The following ABCC10 variants were observed in gnomAD, a reference collection of about 807,000 sequenced individuals.
The protein encoded by ABCC10 is ATP-binding cassette sub-family C member 10.
Under a neutral mutation model 143.2 loss-of-function variants are expected in ABCC10, and 110 were observed. That is an observed-to-expected ratio of 0.77 (90% CI 0.66 to 0.90). The LOEUF (loss-of-function observed/expected upper bound fraction) is 0.90. ABCC10 is among the 40% of genes least tolerant of loss of function. ABCC10 has a pLI of 0.00. For synonymous variants in ABCC10, 805 were observed against 846.7 expected (o/e 0.95, Z 0.85); for missense variants, 1,700 against 1,900.5 (o/e 0.89, Z 1.96).
chr6:43,442,402 T>C (rs1212636481), intron 9 of ABCC10, among the ~76,000 whole-genome samples: 1 of 152,096 alleles, frequency 6.6e-6, no homozygotes, highest in Non-Finnish European at 1.5e-5. Flanking sequence ...ACCCCATCGC[T>C]ACTGAAAAAC....
chr6:43,436,792 A>G (rs1369734552), intron 6 of ABCC10, among the ~76,000 whole-genome samples: 1 of 152,204 alleles, frequency 6.6e-6, no homozygotes, highest in Non-Finnish European at 1.5e-5. Flanking sequence ...TGTGCCCCAC[A>G]GCTCAACCCG....
chr6:43,445,276 G>A lies in ABCC10; in HGVS notation c.2992G>A (p.Ala998Thr), dbSNP rs1404359721. The change falls in exon 14 of 22, where the codon GCC (alanine) becomes ACC (threonine). Residue 998 changes from alanine to threonine, a missense_variant. Transcript: ENST00000372530. The part of the protein sequence containing the change: ...LFAAGTLQAA[A>T]TLHRRLLHRV... ...TGCAGCAGGCACCCTTCAAGCAGCT[G>A]CCACTCTGCATCGCCGCCTGCTGCA... The A allele has an allele frequency of 1.2e-6, 2 of 1,613,994 alleles. No homozygotes were observed. The highest frequency in any genetic ancestry group is 1.7e-6 in the Non-Finnish European group (2 of 1,179,978).
chr6:43,431,958 G>A, intron 2 of ABCC10, 184 bp from the exon 3 acceptor site: 1 of 1,422,106 alleles, frequency 7.0e-7, no homozygotes, highest in Non-Finnish European at 9.2e-7. Flanking sequence ...AATGAGTTAG[G>A]TTCATCTGGG....
rs764178164 is a variant in ABCC10, at chr6:43,444,934, C to A, written c.2836C>A (p.Leu946Ile). Residue 946 changes from leucine (L) to isoleucine (I), a missense_variant, in exon 13 of 22, where the codon CTC becomes ATC. Physicochemically the swap from Leu to Ile is conservative, Grantham distance 5. Coordinates refer to ENST00000372530, the MANE Select transcript of ABCC10 (RefSeq NM_001198934.2). ...GCTGCTCCTCTTTTCCCCTGGAAAC[C>A]TCTAGTGAGTGGCTGGGGCTGGGGG... The part of the protein sequence containing the change: ...PQLLLFSPGN[L>I]YIPVFPLPKA... The A allele has an allele frequency of 1.3e-5, 21 of 1,611,222 alleles. No individual in the cohort carries two copies. In the South Asian group the frequency reaches 2.2e-4, roughly 17 times the overall value.
rs1485018629 is a variant in ABCC10, at chr6:43,447,911, C to T, written c.3933C>T (p.Thr1311=). The T allele has an allele frequency of 1.2e-6, 2 of 1,613,484 alleles. No homozygotes were observed. Among genetic ancestry groups the T allele is most frequent in the African/African-American group, 1.3e-5 (1 of 74,944 alleles). Residue 1311 remains threonine (T), a synonymous_variant, in exon 18 of 22, where the codon ACC becomes ACT. Coordinates refer to ENST00000372530, the MANE Select transcript of ABCC10 (RefSeq NM_001198934.2). ...SGRVLLDGVD[T]SQLELAQLRS... Reference sequence around the variant, plus strand: ...GAGTGCTGCTGGACGGCGTGGACACCAGCCAGCTGGAGCTGGCCCAGCTCA... The same window carrying T: ...GAGTGCTGCTGGACGGCGTGGACACTAGCCAGCTGGAGCTGGCCCAGCTCA...
At chr6:43,447,217 T>C in intron 16 of ABCC10, 31 bp from the exon 17 acceptor site, 1 of 1,602,744 alleles carries the variant, frequency 6.2e-7, no homozygotes. Context: ...GTGTCCAAGC[T>C]CTCCCAGCAG....
rs923662523 is a variant in ABCC10 at position 43,434,990 on chromosome 6, C to G, written c.1608+142C>G. 3 of 858,620 alleles carry G rather than the reference C, an allele frequency of 3.5e-6. No homozygotes were observed. The East Asian group carries it at 8.0e-5, about 23-fold the overall frequency. 53.2% of individuals were successfully genotyped at this position (858,620 alleles called of 1,614,324 possible). On this transcript the variant is annotated intron_variant, in intron 4 of 21. Coordinates refer to ENST00000372530, the MANE Select transcript of ABCC10 (RefSeq NM_001198934.2). ...CTCAACCAAGGGAAAACTGAAGAAACCTTTTTGTGGGGGCCTTGGATATAT... is the reference window on the plus strand; with the variant it reads ...CTCAACCAAGGGAAAACTGAAGAAAGCTTTTTGTGGGGGCCTTGGATATAT...
At chr6:43,441,125 C>T (rs546490544) in intron 8 of ABCC10, among the ~76,000 whole-genome samples, 2 of 151,088 alleles carry the variant, frequency 1.3e-5, no homozygotes, top group African/African-American at 4.9e-5. Flanking sequence ...AAGTAAAAAC[C>T]TATAAAAGCT....
chr6:43,444,374 C>G, intron 12 of ABCC10, 21 bp downstream of exon 12: 2 of 1,581,096 alleles, frequency 1.3e-6, no homozygotes, highest in Non-Finnish European at 1.7e-6. Context: ...GCCTGGGAGT[C>G]TCTTACATCG....
rs994548103 is a variant in ABCC10, at chr6:43,450,146, A to G, written c.*55A>G. On this transcript the variant is annotated 3_prime_UTR_variant, in exon 22 of 22. Coordinates refer to ENST00000372530, the MANE Select transcript of ABCC10 (RefSeq NM_001198934.2). This position sits in a 1 kb window ranked among gnomAD's most constrained non-coding sequence, Gnocchi z 4.5. ...CCTCTCTCTGATCCAGGCCGGGCCT[A>G]TACAGAGGTGCTGGCTGCTTGTTTA... is the stretch of plus-strand genomic sequence containing the variant. The G allele has an allele frequency of 5.3e-6, 8 of 1,520,228 alleles. No homozygotes were observed. In the African/African-American group the frequency reaches 6.9e-5, roughly 13 times the overall value. 94.2% of individuals were successfully genotyped at this position (1,520,228 alleles called of 1,614,324 possible).
In ABCC10 at chr6:43,447,005, G is replaced by A. The variant is rs758687077; in HGVS notation, c.3545-243G>A. ...TGGGATTACAGGCGCCTGCCACCAC[G>A]CCCAGCTAATTTTTGTATTTTTAGT... is the stretch of plus-strand genomic sequence containing the variant. On this transcript the variant is annotated intron_variant, in intron 16 of 21. Transcript: ENST00000372530. 419 of 675,502 alleles carry A rather than the reference G, an allele frequency of 6.2e-4. 1 individual carries two copies. The highest frequency in any genetic ancestry group is 6.9e-4 in the Non-Finnish European group (334 of 482,260). The allele number at this position is 675,502 out of a possible 1,614,324, so 41.8% of individuals were successfully genotyped here.
At chr6:43,429,671 A>G (rs1433056901) in intron 2 of ABCC10, among the ~76,000 whole-genome samples, 1 of 152,108 alleles carries the variant, frequency 6.6e-6, no homozygotes, top group African/African-American at 2.4e-5. Context: ...GTAGGAGGCC[A>G]GGAGTTCGAG....
chr6:43,435,645 C>T (rs573608985), intron 4 of ABCC10, 106 bp from the exon 5 acceptor site: 1 of 1,353,154 alleles, frequency 7.4e-7, no homozygotes, highest in African/African-American at 1.5e-5. Context: ...CCCTTCAGTT[C>T]TGTCATTGCC....
rs748090406 is a variant in ABCC10, at chr6:43,436,222, T to TC, written c.1851dup (p.Ile618HisfsTer74). 1 of 1,614,086 alleles carries TC rather than the reference T, an allele frequency of 6.2e-7. No individual in the cohort carries two copies. The highest frequency in any genetic ancestry group is 8.5e-7 in the Non-Finnish European group (1 of 1,180,018). ...CCAGTTGGAACCAGCCTGGAGACCT[T>TC]CATCAGTCATCTCGAAGTGAAAAAG... On this transcript the variant is annotated frameshift_variant, in exon 6 of 22. Transcript: ENST00000372530. LOFTEE classifies it high-confidence loss of function.
rs1177633090 is a variant in ABCC10, at chr6:43,443,212, G to A, written c.2416+53G>A. ...GGAGGTGTCTGCCCAGGTCTGGCAG[G>A]GGATTGTGAAGTACAGACTCTGCCC... On this transcript the variant is annotated intron_variant, in intron 10 of 21. Coordinates refer to ENST00000372530, the MANE Select transcript of ABCC10 (RefSeq NM_001198934.2). The surrounding 1 kb of genome is among the most constrained non-coding windows in gnomAD (Gnocchi z 4.2). The A allele has an allele frequency of 3.3e-6, 5 of 1,509,170 alleles. No individual in the cohort carries two copies. The highest frequency in any genetic ancestry group is 4.4e-6 in the Non-Finnish European group (5 of 1,133,208). 93.5% of individuals were successfully genotyped at this position (1,509,170 alleles called of 1,614,324 possible).
chr6:43,437,433 CAAAAAAAAAAA>C (rs57827467), intron 6 of ABCC10, among the ~76,000 whole-genome samples: 6 of 102,408 alleles, frequency 5.9e-5, no homozygotes, highest in Admixed American at 9.7e-5. Context: ...AACATATGAC[CAAAAAAAAAAA>C]AAAAAAAAAA....
chr6:43,444,644 G>A, intron 12 of ABCC10, 144 bp from the exon 13 acceptor site: 3 of 1,203,362 alleles, frequency 2.5e-6, no homozygotes, highest in East Asian at 2.4e-5. Context: ...GGGAGGATAT[G>A]GGGTAGTGGC....
At chr6:43,436,714 G>A (rs1282690205) in intron 6 of ABCC10, among the ~76,000 whole-genome samples, 2 of 152,212 alleles carry the variant, frequency 1.3e-5, no homozygotes, top group Non-Finnish European at 2.9e-5. Flanking sequence ...GGGCATTCCT[G>A]GCAATAAGCC....
intron 14 of ABCC10, 139 bp from the exon 15 acceptor site, chr6:43,445,459 GC>G (rs1029400564): frequency 1.5e-6 from 2 of 1,349,930 alleles, no homozygotes; most frequent in African/African-American, 1.5e-5. Flanking sequence ...TCTCTTCTCT[GC>G]CCCCAAATTC....
Sources: gnomAD v4.1 joint callset for allele counts (sites outside exome capture counted in the v4.1 genomes callset) on GRCh38, gnomAD v4.1.1 for gene constraint, Gnocchi (gnomAD v3.1) non-coding constraint, MANE v1.5 for transcripts, NCBI Gene and HGNC (gene_info 2026-07-23, HGNC 2026-07-21) for gene names.